Variants in HPSE2 observed in about 807,000 individuals in gnomAD.
HPSE2 encodes the protein heparanase 2 (inactive).
In HPSE2, 38 loss-of-function variants were observed where a neutral mutation model predicts 60.5. The observed-to-expected ratio is 0.63, with a 90% CI of 0.48 to 0.82. HPSE2 has a LOEUF of 0.82. Ranked by LOEUF, HPSE2 falls within the 40% of genes least tolerant of loss-of-function variation. The pLI, the probability that HPSE2 is intolerant of heterozygous loss-of-function variation, is 0.00. For synonymous variants in HPSE2, 295 were observed against 293.2 expected (o/e 1.01, Z -0.06); for missense variants, 713 against 740.4 (o/e 0.96, Z 0.43).
rs1845179002 is a variant in HPSE2, at chr10:99,126,754, C to T, written c.610+17484G>A. On this transcript the variant is annotated intron_variant, in intron 3 of 11. Coordinates refer to ENST00000370552, the MANE Select transcript of HPSE2 (RefSeq NM_021828.5). The surrounding 1 kb of genome is among the most constrained non-coding windows in gnomAD (Gnocchi z 4.0). ...CCCTGACACAGTCTAGTTTACTCCC[C>T]TGCCACCTCCACCACAGCAGACACT... Among the ~76,000 whole-genome samples the T allele has an allele frequency of 6.6e-6, 1 of 152,208 alleles. No individual in the cohort carries two copies. Among genetic ancestry groups the T allele is most frequent in the Non-Finnish European group, 1.5e-5 (1 of 68,040 alleles).
chr10:98,615,067 T>C, intron 8 of HPSE2, 49 bp from the exon 9 acceptor site: 1 of 1,345,616 alleles, frequency 7.4e-7, no homozygotes, highest in Non-Finnish European at 1.1e-6. Flanking sequence ...TTAAATGGCA[T>C]ATAACAAGCT....
intron 3 of HPSE2, among the ~76,000 whole-genome samples, chr10:98,934,766 C>A (rs921534938): frequency 2.8e-5 from 4 of 143,312 alleles, no homozygotes; most frequent in Non-Finnish European, 6.0e-5. Flanking sequence ...TGGGGCAGAT[C>A]TTTTTGTGGA....
Position 98,796,147 on chromosome 10 carries a change from A to G in HPSE2, c.611-52091T>C, listed in dbSNP as rs141006108. On this transcript the variant is annotated intron_variant, in intron 3 of 11. Transcript: ENST00000370552. ...TTGTGTTTGAGAAAGAGGGAAAAGT[A>G]AAGAGGACTTTGTCTTGCACCTTGC... 4.7e-3 allele frequency among the ~76,000 whole-genome samples: 720 copies of G among 152,346 alleles called. 5 individuals carry two copies. Among genetic ancestry groups the G allele is most frequent in the African/African-American group, 0.017 (694 of 41,574 alleles).
At chr10:99,092,343 A>G (rs1237807032) in intron 3 of HPSE2, among the ~76,000 whole-genome samples, 1 of 152,236 alleles carries the variant, frequency 6.6e-6, no homozygotes, top group East Asian at 1.9e-4. Context: ...TATTATTGTC[A>G]TTAGCATTAA....
At chr10:98,894,562 G>A (rs1953429766) in intron 3 of HPSE2, among the ~76,000 whole-genome samples, 1 of 151,768 alleles carries the variant, frequency 6.6e-6, no homozygotes, top group Non-Finnish European at 1.5e-5. Flanking sequence ...GGAAGATAGA[G>A]CTAAAGAAAT....
intron 3 of HPSE2, among the ~76,000 whole-genome samples, chr10:98,747,008 A>G (rs779309720): frequency 1.4e-4 from 22 of 152,060 alleles, no homozygotes; most frequent in African/African-American, 2.4e-4. Flanking sequence ...CTAATATACT[A>G]TGAGCTTTAG....
chr10:99,239,480 A>T (rs1483538387), upstream of HPSE2, among the ~76,000 whole-genome samples: 1 of 114,708 alleles, frequency 8.7e-6, no homozygotes, highest in African/African-American at 3.4e-5. Context: ...CCCAGGTTGG[A>T]GTGCAGTGGC....
chr10:99,273,456 A>G, the HPSE2 span, among the ~76,000 whole-genome samples: 1 of 152,224 alleles, frequency 6.6e-6, no homozygotes, highest in Non-Finnish European at 1.5e-5. Context: ...AAGAAAAAAA[A>G]TCATGGTCTG....
intron 6 of HPSE2, among the ~76,000 whole-genome samples, chr10:98,646,086 T>C (rs1589563521): frequency 1.3e-5 from 2 of 152,312 alleles, no homozygotes; most frequent in African/African-American, 4.8e-5. Flanking sequence ...TACTTACCCA[T>C]TGTAAATGTG....
At chr10:98,716,265 A>C (rs906062007) in intron 5 of HPSE2, among the ~76,000 whole-genome samples, 2 of 151,984 alleles carry the variant, frequency 1.3e-5, no homozygotes, top group Non-Finnish European at 2.9e-5. Context: ...TACTCCACTG[A>C]AGTCTTGAAT....
chr10:98,893,170 C>T (rs941369644), intron 3 of HPSE2, among the ~76,000 whole-genome samples: 10 of 152,172 alleles, frequency 6.6e-5, no homozygotes, highest in African/African-American at 2.4e-4. Flanking sequence ...CAGGTTCAAG[C>T]GGTTCTCCTG....
At chr10:99,088,485 T>C (rs1250726186) in intron 3 of HPSE2, among the ~76,000 whole-genome samples, 1 of 152,214 alleles carries the variant, frequency 6.6e-6, no homozygotes, top group Non-Finnish European at 1.5e-5. Flanking sequence ...TTACTTCACT[T>C]AGAATAATGG....
At chr10:98,667,136 C>G (rs1243061304) in intron 6 of HPSE2, among the ~76,000 whole-genome samples, 1 of 151,866 alleles carries the variant, frequency 6.6e-6, no homozygotes, top group East Asian at 1.9e-4. Context: ...TCCTCAGGGA[C>G]TATTATGAAC....
intron 10 of HPSE2, among the ~76,000 whole-genome samples, chr10:98,487,949 T>C (rs779352810): frequency 4.0e-4 from 61 of 152,378 alleles, no homozygotes; most frequent in South Asian, 8.3e-4. Context: ...GTGCATTCAC[T>C]GTGGGTTTTC....
intron 6 of HPSE2, among the ~76,000 whole-genome samples, chr10:98,675,039 G>T (rs796411849): frequency 6.6e-6 from 1 of 152,124 alleles, no homozygotes; most frequent in Non-Finnish European, 1.5e-5. Context: ...TATAAAAAAC[G>T]TATTAAACAC....
intron 9 of HPSE2, among the ~76,000 whole-genome samples, chr10:98,602,537 G>A (rs1051363437): frequency 2.6e-5 from 4 of 151,962 alleles, no homozygotes; most frequent in African/African-American, 7.2e-5. Flanking sequence ...CAAAACTACA[G>A]TAATCAAGAG....
intron 3 of HPSE2, among the ~76,000 whole-genome samples, chr10:98,989,611 C>T (rs188085548): frequency 0.015 from 2,213 of 150,144 alleles, 39 homozygotes; most frequent in African/African-American, 0.047. Context: ...CAAACCTGCA[C>T]GGTGTGCACA....
intron 9 of HPSE2, among the ~76,000 whole-genome samples, chr10:98,517,759 T>C (rs749783243): frequency 2.6e-5 from 4 of 152,158 alleles, no homozygotes; most frequent in South Asian, 2.1e-4. Flanking sequence ...GCACCCTGGA[T>C]TGAAATTCCA....
intron 2 of HPSE2, among the ~76,000 whole-genome samples, chr10:99,223,154 T>C (rs1431058281): frequency 6.6e-6 from 1 of 152,156 alleles, no homozygotes; most frequent in African/African-American, 2.4e-5. Context: ...CACAACTCAT[T>C]AGCTGGGTAG....
Sources: allele counts gnomAD v4.1 joint callset (sites outside exome capture counted in the v4.1 genomes callset), GRCh38; gene constraint gnomAD v4.1.1; non-coding constraint Gnocchi (gnomAD v3.1); transcripts MANE v1.5; gene names NCBI Gene and HGNC (gene_info 2026-07-23, HGNC 2026-07-21).